Variants in NTM observed in about 807,000 individuals in gnomAD.
The protein encoded by NTM is IgLON family member 2.
In NTM, 13 loss-of-function variants were observed where a neutral mutation model predicts 42.1. The observed-to-expected ratio is 0.31, with a 90% CI of 0.20 to 0.49. The LOEUF is 0.49. Among genes scored for constraint, NTM ranks in the 20% least tolerant of loss-of-function variants. The probability of loss-of-function intolerance (pLI) is 0.99; values close to 1 mark genes in which losing one functional copy is unlikely to be tolerated. For synonymous variants in NTM, 187 were observed against 179.2 expected, an observed-to-expected ratio of 1.04 and a Z score of -0.35; for missense variants, 373 against 452.8, an observed-to-expected ratio of 0.82 and a Z score of 1.60.
At chr11:132,001,334 A>G (rs1464306352) in intron 2 of NTM, among the ~76,000 whole-genome samples, 3 of 152,218 alleles carry the variant, frequency 2.0e-5, no homozygotes, top group Non-Finnish European at 4.4e-5. Flanking sequence ...GGGCATAAAC[A>G]TATATAAAGG....
intron 4 of NTM, among the ~76,000 whole-genome samples, chr11:132,291,449 G>A (rs952485355): frequency 8.5e-5 from 13 of 152,246 alleles, no homozygotes; most frequent in South Asian, 6.2e-4. Context: ...ATTTCATGTC[G>A]GACATGTCAA....
intron 1 of NTM, among the ~76,000 whole-genome samples, chr11:131,880,699 C>G (rs1035391282): frequency 6.6e-6 from 1 of 152,206 alleles, no homozygotes; most frequent in Non-Finnish European, 1.5e-5. Flanking sequence ...TACACACTCT[C>G]ATTTGCCTCC....
intron 2 of NTM, among the ~76,000 whole-genome samples, chr11:132,016,444 T>G (rs2073428117): frequency 6.6e-6 from 1 of 150,662 alleles, no homozygotes; most frequent in African/African-American, 2.4e-5. Flanking sequence ...AATATGTTGT[T>G]TTTTGCATCT....
chr11:132,075,351 A>G (rs1161114016), intron 2 of NTM, among the ~76,000 whole-genome samples: 3 of 152,226 alleles, frequency 2.0e-5, no homozygotes, highest in Non-Finnish European at 4.4e-5. Context: ...ATTTTAATCA[A>G]TACATATTAA....
At chr11:132,192,364 C>T (rs1408486644) in intron 3 of NTM, among the ~76,000 whole-genome samples, 1 of 152,112 alleles carries the variant, frequency 6.6e-6, no homozygotes, top group Non-Finnish European at 1.5e-5. Flanking sequence ...CTATTCTGAG[C>T]ATCCTAAAAG....
At chr11:131,476,344 T>A (rs1202871098) in intron 1 of NTM, among the ~76,000 whole-genome samples, 2 of 152,180 alleles carry the variant, frequency 1.3e-5, no homozygotes, top group African/African-American at 4.8e-5. Flanking sequence ...TAAAACCAGG[T>A]AGCAGCAGGA....
At chr11:131,939,057 G>A (rs1351018653) in intron 2 of NTM, among the ~76,000 whole-genome samples, 1 of 152,186 alleles carries the variant, frequency 6.6e-6, no homozygotes, top group Non-Finnish European at 1.5e-5. Flanking sequence ...ATTTAAGTAT[G>A]GGAGAGATCA....
intron 1 of NTM, among the ~76,000 whole-genome samples, chr11:131,447,847 G>T (rs570585508): frequency 6.6e-6 from 1 of 152,160 alleles, no homozygotes; most frequent in Non-Finnish European, 1.5e-5. Context: ...AACCGCAGCC[G>T]CCATCATGCA....
chr11:132,285,763 C>T (rs1490369953), intron 4 of NTM, among the ~76,000 whole-genome samples: 1 of 152,204 alleles, frequency 6.6e-6, no homozygotes, highest in Non-Finnish European at 1.5e-5. Context: ...CCCGACTCTG[C>T]TCTGGCCATA....
Position 132,181,955 on chromosome 11 carries a change from T to TTGTTTATTA in NTM, c.401-30066_401-30065insGTTTATTAT, listed in dbSNP as rs59282682. Among the ~76,000 whole-genome samples, 108 of 141,010 alleles carry TTGTTTATTA rather than the reference T, an allele frequency of 7.7e-4. 1 individual carries two copies. In the Middle Eastern group the frequency reaches 0.015, roughly 19 times the overall value. 92.5% of individuals were successfully genotyped at this position (141,010 alleles called of 152,430 possible). ...TTCAAAATGGAGTCACACTATCTAG[T>TTGTTTATTA]TTATTATTATTATTATTATTATTAT... On this transcript the variant is annotated intron_variant, in intron 3 of 8. Coordinates refer to ENST00000683400, the MANE Select transcript of NTM (RefSeq NM_001352005.2).
At chr11:132,176,879 C>G (rs1170394678) in intron 3 of NTM, among the ~76,000 whole-genome samples, 2 of 151,882 alleles carry the variant, frequency 1.3e-5, no homozygotes, top group Admixed American at 6.6e-5. Context: ...CAGGGGCCCA[C>G]CACCACATCT....
intron 1 of NTM, among the ~76,000 whole-genome samples, chr11:131,476,889 C>T (rs1375810175): frequency 1.3e-5 from 2 of 152,128 alleles, no homozygotes; most frequent in African/African-American, 2.4e-5. Context: ...GCCTTCACCA[C>T]CATACCCCGG....
intron 1 of NTM, among the ~76,000 whole-genome samples, chr11:131,724,352 C>G (rs1344251255): frequency 6.6e-6 from 1 of 152,116 alleles, no homozygotes; most frequent in Admixed American, 6.5e-5. Context: ...CTGTTAATTA[C>G]CAGATGATTA....
intron 1 of NTM, among the ~76,000 whole-genome samples, chr11:131,885,337 C>T (rs1227863648): frequency 6.6e-6 from 1 of 152,186 alleles, no homozygotes; most frequent in Non-Finnish European, 1.5e-5. Flanking sequence ...ACCAATCTAG[C>T]ATGGTGGAGC....
intron 1 of NTM, among the ~76,000 whole-genome samples, chr11:131,525,945 C>G (rs538400575): frequency 6.6e-6 from 1 of 152,266 alleles, no homozygotes; most frequent in East Asian, 1.9e-4. Context: ...GAGTTACTTG[C>G]AAACTGTCTC....
chr11:131,391,344 A>G (rs1203767434), intron 1 of NTM, among the ~76,000 whole-genome samples: 1 of 152,008 alleles, frequency 6.6e-6, no homozygotes, highest in African/African-American at 2.4e-5. Context: ...GCAGGGCCCC[A>G]GCTCTCCACT....
intron 1 of NTM, among the ~76,000 whole-genome samples, chr11:131,821,522 A>G (rs763543892): frequency 6.6e-6 from 1 of 152,254 alleles, no homozygotes; most frequent in Non-Finnish European, 1.5e-5. Flanking sequence ...ACAATCAAAT[A>G]CTTAACTTCT....
chr11:131,400,881 T>C (rs1358587542), intron 1 of NTM, among the ~76,000 whole-genome samples: 1 of 152,216 alleles, frequency 6.6e-6, no homozygotes, highest in East Asian at 1.9e-4. Flanking sequence ...ACCACTTTTC[T>C]TCCTGCTTTC....
chr11:131,582,817 C>A (rs2058532688), intron 1 of NTM, among the ~76,000 whole-genome samples: 1 of 152,066 alleles, frequency 6.6e-6, no homozygotes, highest in South Asian at 2.1e-4. Flanking sequence ...CCAGCCCCTT[C>A]TGAGATTTAC....
Sources: gnomAD v4.1 joint callset for allele counts (sites outside exome capture counted in the v4.1 genomes callset) on GRCh38, gnomAD v4.1.1 for gene constraint, MANE v1.5 for transcripts, NCBI Gene and HGNC (gene_info 2026-07-23, HGNC 2026-07-21) for gene names.